The following HHEX variants were observed in gnomAD, a reference collection of about 807,000 sequenced individuals.
HHEX encodes hematopoietically-expressed homeobox protein HHEX.
A neutral mutation model predicts 27.0 loss-of-function variants in HHEX; 8 were observed. That is an observed-to-expected ratio of 0.30 (90% CI 0.17 to 0.54). The LOEUF is 0.54. Ranked by LOEUF, HHEX falls within the 20% of genes least tolerant of loss-of-function variation. The pLI is 0.95. For missense variants in HHEX, 326 were observed against 357.2 expected, an observed-to-expected ratio of 0.91 and a Z score of 0.70; for synonymous variants, 164 against 161.5, an observed-to-expected ratio of 1.02 and a Z score of -0.12.
intron 3 of HHEX, 96 bp downstream of exon 3, chr10:92,692,848 G>C (rs903707050): frequency 9.7e-7 from 1 of 1,034,726 alleles, no homozygotes; most frequent in Non-Finnish European, 1.5e-6. Flanking sequence ...TCATTTAAGA[G>C]ACTATTTAAC....
intron 1 of HHEX, among the ~76,000 whole-genome samples, chr10:92,691,064 C>A (rs1439992945): frequency 6.6e-6 from 1 of 152,096 alleles, no homozygotes; most frequent in East Asian, 1.9e-4. Context: ...CAGTCTGAAG[C>A]CTGACGCAAG....
intron 1 of HHEX, among the ~76,000 whole-genome samples, chr10:92,691,375 C>G (rs563942416): frequency 3.5e-4 from 54 of 152,294 alleles, no homozygotes; most frequent in Admixed American, 3.1e-3. Flanking sequence ...TAAATGAACT[C>G]TGTTATTGGA....
chr10:92,689,958 T>C lies in HHEX; in HGVS notation c.-29T>C, dbSNP rs1845331489. 2 of 1,326,032 alleles carry C rather than the reference T, an allele frequency of 1.5e-6. No homozygotes were observed. Among genetic ancestry groups the C allele is most frequent in the South Asian group, 4.0e-5 (2 of 50,548 alleles). The allele number at this position is 1,326,032 out of a possible 1,614,324, so 82.1% of individuals were successfully genotyped here. ...TAGCGCCGCGGCGCGGGCCAGCAGC[T>C]CTGCGAGGGGCCGGAGCGCGGCGGA... On this transcript the variant is annotated 5_prime_UTR_variant, in exon 1 of 4. Transcript: ENST00000282728.
Position 92,692,764 on chromosome 10 carries a change from G to A in HHEX, c.591+12G>A. The A allele has an allele frequency of 6.2e-7, 1 of 1,605,210 alleles. No homozygotes were observed. Among genetic ancestry groups the A allele is most frequent in the Non-Finnish European group, 8.5e-7 (1 of 1,171,972 alleles). On this transcript the variant is annotated intron_variant, in intron 3 of 3. Transcript: ENST00000282728. ...GGAGACTAAAACAGGTATGGACATGGTTCTGTTTCTATGGAAATAAATATT... is the reference window on the plus strand; with the variant it reads ...GGAGACTAAAACAGGTATGGACATGATTCTGTTTCTATGGAAATAAATATT...
chr10:92,692,628 G>A (rs555953607), intron 2 of HHEX, 74 bp from the exon 3 acceptor site: 1 of 1,605,132 alleles, frequency 6.2e-7, no homozygotes, highest in Admixed American at 1.7e-5. Flanking sequence ...CGAGAGAGAG[G>A]CGAGGAGCCA....
intron 1 of HHEX, 68 bp downstream of exon 1, chr10:92,690,415 G>A: frequency 7.2e-7 from 1 of 1,392,216 alleles, no homozygotes; most frequent in Non-Finnish European, 9.3e-7. Context: ...CCGGGAGGCC[G>A]AGGGGGCGAA....
intron 1 of HHEX, chr10:92,691,979 C>A: frequency 6.2e-6 from 1 of 161,562 alleles, no homozygotes; most frequent in African/African-American, 2.4e-5. Context: ...TTCGCAAGTG[C>A]GGCTCACCAA....
intron 1 of HHEX, among the ~76,000 whole-genome samples, chr10:92,691,201 G>C (rs533768362): frequency 4.7e-4 from 71 of 152,294 alleles, no homozygotes; most frequent in Non-Finnish European, 7.9e-4. Context: ...GTTAGGAAGG[G>C]AAGCAGGGAC....
In HHEX at chr10:92,690,167, C is replaced by T; in HGVS notation, c.181C>T (p.Leu61Phe). 4 of 1,561,414 alleles carry T rather than the reference C, an allele frequency of 2.6e-6. No individual in the cohort carries two copies. The highest frequency in any genetic ancestry group is 3.5e-6 in the Non-Finnish European group (4 of 1,153,538). Reference protein sequence around the residue: ...LPSPNSSFTSLVSPYRTPVYE... With the variant: ...LPSPNSSFTSFVSPYRTPVYE... ...GTCCCCCAACTCCTCCTTCACCAGC[C>T]TCGTGTCCCCCTACCGGACCCCGGT... is the stretch of plus-strand genomic sequence containing the variant. Residue 61 changes from leucine (L) to phenylalanine (F), a missense_variant, in exon 1 of 4, where the codon CTC (leucine) becomes TTC (phenylalanine). Physicochemically the swap from Leu to Phe is conservative, Grantham distance 22. Transcript: ENST00000282728.
intron 1 of HHEX, among the ~76,000 whole-genome samples, chr10:92,690,657 G>A (rs1222626602): frequency 6.6e-6 from 1 of 152,146 alleles, no homozygotes; most frequent in Non-Finnish European, 1.5e-5. Context: ...ACGGGGAAAG[G>A]GGCGTCGAGG....
chr10:92,691,437 G>A (rs1845353730), intron 1 of HHEX: 1 of 152,246 alleles, frequency 6.6e-6, no homozygotes. Flanking sequence ...GCATTTTAAT[G>A]TCTCCATTAT....
At position 92,694,583 on chromosome 10, in the gene HHEX, A is replaced by G. The variant is rs1845386266; in HGVS notation, c.628A>G (p.Ser210Gly). ...AAGCAATAAAAAAGAAGAACTGGAA[A>G]GTTTGGACAGTTCCTGTGATCAGAG... The part of the protein sequence containing the change: ...PQSNKKEELE[S>G]LDSSCDQRQD... The change falls in exon 4 of 4, where the codon AGT (serine) becomes GGT (glycine). Residue 210 changes from serine (S) to glycine (G), a missense_variant. By Grantham distance (56) the Ser-to-Gly change is moderately conservative. This residue lies in a region of HHEX where 68 missense variants were observed against 84.9 expected (regional missense o/e 0.80). Coordinates refer to ENST00000282728, the MANE Select transcript of HHEX (RefSeq NM_002729.5). 6.2e-7 allele frequency: 1 copy of G among 1,614,158 alleles called. No individual in the cohort carries two copies. Among genetic ancestry groups the G allele is most frequent in the Non-Finnish European group, 8.5e-7 (1 of 1,179,972 alleles).
In HHEX at chr10:92,692,468, G is replaced by C. The variant is rs745348021; in HGVS notation, c.462G>C (p.Lys154Asn). Residue 154 changes from lysine to asparagine, a missense_variant, in exon 2 of 4, where the codon AAG becomes AAC. By Grantham distance (94) the Lys-to-Asn change is moderately conservative. Transcript: ENST00000282728. ...FSNDQTIELE[K>N]KFETQKYLSP... ...ACGACCAGACCATCGAGCTGGAGAA[G>C]AAATTCGAGACGCAGAAATATCTCT... 1 of 1,614,158 alleles carries C rather than the reference G, an allele frequency of 6.2e-7. No homozygotes were observed. Among genetic ancestry groups the C allele is most frequent in the South Asian group, 1.1e-5 (1 of 91,084 alleles).
chr10:92,692,851 T>G (rs1373277191), intron 3 of HHEX, 99 bp downstream of exon 3: 5 of 966,308 alleles, frequency 5.2e-6, no homozygotes, highest in Non-Finnish European at 6.5e-6. Context: ...TTTAAGAGAC[T>G]ATTTAACCTC....
At chr10:92,691,391 C>T (rs900582150) in intron 1 of HHEX, among the ~76,000 whole-genome samples, 7 of 152,178 alleles carry the variant, frequency 4.6e-5, no homozygotes, top group African/African-American at 1.7e-4. Flanking sequence ...TTGGAAGCTT[C>T]AGTAGGGACC....
intron 1 of HHEX, chr10:92,691,492 G>C (rs528957996): frequency 1.1e-4 from 17 of 152,316 alleles, no homozygotes; most frequent in African/African-American, 4.1e-4. Flanking sequence ...CCTTCTCACC[G>C]TTAACAGGGG....
At position 92,692,467 on chromosome 10, in the gene HHEX, A is replaced by G; in HGVS notation, c.461A>G (p.Lys154Arg). 1 of 1,614,086 alleles carries G rather than the reference A, an allele frequency of 6.2e-7. No individual in the cohort carries two copies. The highest frequency in any genetic ancestry group is 1.3e-5 in the African/African-American group (1 of 75,044). The change falls in exon 2 of 4, where the codon AAG becomes AGG. Residue 154 changes from lysine (K) to arginine (R), a missense_variant. Transcript: ENST00000282728. ...AACGACCAGACCATCGAGCTGGAGAAGAAATTCGAGACGCAGAAATATCTC... is the reference window on the plus strand; with the variant it reads ...AACGACCAGACCATCGAGCTGGAGAGGAAATTCGAGACGCAGAAATATCTC... ...FSNDQTIELE[K>R]KFETQKYLSP...
At position 92,692,492 on chromosome 10, in the gene HHEX, C is replaced by T. The variant is rs1474628378; in HGVS notation, c.486C>T (p.Leu162=). ...AGAAATTCGAGACGCAGAAATATCT[C>T]TCTCCGCCCGAGAGGAAGCGTCTGG... ...LEKKFETQKY[L]SPPERKRLAK... Residue 162 remains leucine (L), a synonymous_variant, in exon 2 of 4, where the codon CTC becomes CTT. Transcript: ENST00000282728. 3 of 1,613,950 alleles carry T rather than the reference C, an allele frequency of 1.9e-6. No individual in the cohort carries two copies. Among genetic ancestry groups the T allele is most frequent in the Non-Finnish European group, 2.5e-6 (3 of 1,180,006 alleles).
In HHEX at chr10:92,694,916, T is replaced by G. The variant is rs1845389239; in HGVS notation, c.*148T>G. Reference sequence around the variant, plus strand: ...AACCTAAAAATATTTGGTGCACTGCTCAATTAACAAACCTACATGGAGACC... The same window carrying G: ...AACCTAAAAATATTTGGTGCACTGCGCAATTAACAAACCTACATGGAGACC... On this transcript the variant is annotated 3_prime_UTR_variant, in exon 4 of 4. Transcript: ENST00000282728. 2 of 634,638 alleles carry G rather than the reference T, an allele frequency of 3.2e-6. No homozygotes were observed. The highest frequency in any genetic ancestry group is 5.6e-5 in the Admixed American group (2 of 35,522). The allele number at this position is 634,638 out of a possible 1,614,324, so 39.3% of individuals were successfully genotyped here.
Sources: allele counts gnomAD v4.1 joint callset (sites outside exome capture counted in the v4.1 genomes callset), GRCh38; gene constraint gnomAD v4.1.1; regional missense constraint gnomAD v4.1.1; transcripts MANE v1.5; gene names NCBI Gene and HGNC (gene_info 2026-07-23, HGNC 2026-07-21).